CFHR4: variants seen among roughly 807,000 people sequenced by gnomAD.
CFHR4 encodes the protein complement factor H related 4.
In CFHR4, 64 loss-of-function variants were observed where a neutral mutation model predicts 69.3. That is an observed-to-expected ratio of 0.92 (90% confidence interval 0.76 to 1.14). The LOEUF is 1.14. Among genes scored for constraint, CFHR4 ranks in the 50% most tolerant of loss-of-function variants. The pLI, the probability that CFHR4 is intolerant of heterozygous loss-of-function variation, is 0.00. For synonymous variants in CFHR4, 244 were observed against 237.0 expected, an observed-to-expected ratio of 1.03 and a Z score of -0.27; for missense variants, 636 against 684.9, an observed-to-expected ratio of 0.93 and a Z score of 0.80.
intron 1 of CFHR4, among the ~76,000 whole-genome samples, chr1:196,897,677 T>G (rs1401663574): frequency 6.6e-6 from 1 of 151,422 alleles, no homozygotes; most frequent in Non-Finnish European, 1.5e-5. Context: ...TCCCTCGGCA[T>G]CCAGACATTC....
At chr1:196,899,238 G>A (rs1342860965) in intron 1 of CFHR4, among the ~76,000 whole-genome samples, 1 of 148,716 alleles carries the variant, frequency 6.7e-6, no homozygotes, top group South Asian at 2.1e-4. Flanking sequence ...TTTCTATCTT[G>A]CAGTGCATTG....
In CFHR4 at chr1:196,918,069, T is replaced by C. The variant is rs1658759133; in HGVS notation, c.1541-141T>C. On this transcript the variant is annotated intron_variant, in intron 9 of 9. Transcript: ENST00000608469. The stretch of plus-strand genomic sequence containing the variant: ...TATATTTTTGAAATGCTAAAGTCAG[T>C]ATGTAGCACAAATTAATAACTATTA... The C allele has an allele frequency of 1.1e-5, 10 of 913,516 alleles. No individual in the cohort carries two copies. In the South Asian group the frequency reaches 1.5e-4, roughly 13 times the overall value. 56.6% of individuals were successfully genotyped at this position (913,516 alleles called of 1,614,324 possible).
intron 1 of CFHR4, among the ~76,000 whole-genome samples, chr1:196,893,900 C>T (rs1204514953): frequency 6.6e-6 from 1 of 151,512 alleles, no homozygotes; most frequent in Non-Finnish European, 1.5e-5. Flanking sequence ...TTGTTTATTA[C>T]ATGAATTCTA....
At position 196,918,443 on chromosome 1, in the gene CFHR4, A is replaced by G. The variant is rs1331141262; in HGVS notation, c.*37A>G. The stretch of plus-strand genomic sequence containing the variant: ...TACCCTAAATGTATGTCCAACTTCC[A>G]CTTCTCACTCTTATGGTCTCAAAGC... On this transcript the variant is annotated 3_prime_UTR_variant, in exon 10 of 10. Transcript: ENST00000608469. 3 of 1,558,448 alleles carry G rather than the reference A, an allele frequency of 1.9e-6. No individual in the cohort carries two copies. The highest frequency in any genetic ancestry group is 2.2e-5 in the South Asian group (2 of 90,024).
chr1:196,892,530 A>C (rs6428373), intron 1 of CFHR4, among the ~76,000 whole-genome samples: 148,417 of 150,200 alleles, frequency 0.99, 73,358 homozygotes, highest in Middle Eastern at 1. Flanking sequence ...AATTTCCCCC[A>C]AAAAAAGTTC....
At chr1:196,910,743 G>T (rs892556482) in intron 6 of CFHR4, among the ~76,000 whole-genome samples, 1 of 151,358 alleles carries the variant, frequency 6.6e-6, no homozygotes, top group Non-Finnish European at 1.5e-5. Context: ...ATTGAATACT[G>T]ACCTTTTTGT....
chr1:196,888,138 G>C lies in CFHR4; in HGVS notation c.-13G>C. Reference sequence around the variant, plus strand: ...GAAACTTTTGCATTACTATACTACTGAGAATATCTAACATGTTGTTACTAA... The same window carrying C: ...GAAACTTTTGCATTACTATACTACTCAGAATATCTAACATGTTGTTACTAA... On this transcript the variant is annotated 5_prime_UTR_variant, in exon 1 of 10. Coordinates refer to ENST00000608469, the MANE Select transcript of CFHR4 (RefSeq NM_001201550.3). 6.2e-7 allele frequency: 1 copy of C among 1,609,818 alleles called. No individual in the cohort carries two copies. The highest frequency in any genetic ancestry group is 8.5e-7 in the Non-Finnish European group (1 of 1,177,550).
intron 1 of CFHR4, among the ~76,000 whole-genome samples, chr1:196,900,069 T>C (rs1389967761): frequency 6.6e-6 from 1 of 151,468 alleles, no homozygotes; most frequent in Non-Finnish European, 1.5e-5. Flanking sequence ...AAAATTAAAT[T>C]TAGTAGTGGT....
In CFHR4 at chr1:196,901,219, A is replaced by G. The variant is rs954531510; in HGVS notation, c.59-1199A>G. On this transcript the variant is annotated intron_variant, in intron 1 of 9. Transcript: ENST00000608469. The stretch of plus-strand genomic sequence containing the variant: ...TAAGATGCTATTTATAAGCAATGAA[A>G]CTGAATGAATATTTGAACTTCCACA... Among the ~76,000 whole-genome samples the G allele has an allele frequency of 1.6e-4, 24 of 151,318 alleles. 1 individual carries two copies. The highest frequency in any genetic ancestry group is 5.6e-4 in the African/African-American group (23 of 41,004).
At chr1:196,916,226 T>C (rs1297460760) in intron 9 of CFHR4, among the ~76,000 whole-genome samples, 4 of 151,590 alleles carry the variant, frequency 2.6e-5, no homozygotes, top group African/African-American at 9.7e-5. Flanking sequence ...ACAATAATTA[T>C]GGCAACAACA....
chr1:196,902,096 C>A (rs1366176661), intron 1 of CFHR4, among the ~76,000 whole-genome samples: 1 of 151,412 alleles, frequency 6.6e-6, no homozygotes, highest in Non-Finnish European at 1.5e-5. Flanking sequence ...TGGGATGGAA[C>A]AGAAAGAAAA....
intron 9 of CFHR4, among the ~76,000 whole-genome samples, chr1:196,915,438 T>C (rs1358271821): frequency 2.6e-5 from 4 of 151,090 alleles, no homozygotes; most frequent in Non-Finnish European, 5.9e-5. Flanking sequence ...GAGTTCGAGA[T>C]CAGCCTGACC....
intron 5 of CFHR4, 37 bp downstream of exon 5, chr1:196,907,535 G>C: frequency 6.5e-7 from 1 of 1,542,032 alleles, no homozygotes; most frequent in South Asian, 1.1e-5. Flanking sequence ...GAAAATTAGA[G>C]TAATAACTTT....
chr1:196,894,074 AT>A (rs1447845900), intron 1 of CFHR4, among the ~76,000 whole-genome samples: 1 of 151,444 alleles, frequency 6.6e-6, no homozygotes, highest in African/African-American at 2.4e-5. Flanking sequence ...TCTCAGTTAA[AT>A]TGCACCTGCT....
chr1:196,908,249 T>G (rs955593540), intron 5 of CFHR4, among the ~76,000 whole-genome samples: 13 of 151,192 alleles, frequency 8.6e-5, no homozygotes, highest in African/African-American at 3.2e-4. Context: ...ATGGCACATG[T>G]ATTCCTATGT....
chr1:196,890,817 A>T (rs1333795852), intron 1 of CFHR4, among the ~76,000 whole-genome samples: 1 of 151,564 alleles, frequency 6.6e-6, no homozygotes, highest in Non-Finnish European at 1.5e-5. Flanking sequence ...AAAAGGTTCC[A>T]GGCTTTCCTT....
At chr1:196,912,983 T>C in intron 7 of CFHR4, 61 bp downstream of exon 7, 13 of 1,605,518 alleles carry the variant, frequency 8.1e-6, no homozygotes, top group Non-Finnish European at 1.1e-5. Context: ...TTTGAGATGA[T>C]AGTGTTTTAC....
chr1:196,891,005 A>C (rs1656998920), intron 1 of CFHR4, among the ~76,000 whole-genome samples: 1 of 151,528 alleles, frequency 6.6e-6, no homozygotes, highest in African/African-American at 2.4e-5. Context: ...TAATCCCAGC[A>C]ATTTGGAGGC....
chr1:196,898,959 G>A (rs1300720988), intron 1 of CFHR4, among the ~76,000 whole-genome samples: 1 of 151,546 alleles, frequency 6.6e-6, no homozygotes, highest in Non-Finnish European at 1.5e-5. Context: ...GGAGTAGGAG[G>A]AAGCCTTCAT....
Sources: allele counts gnomAD v4.1 joint callset (sites outside exome capture counted in the v4.1 genomes callset), GRCh38; gene constraint gnomAD v4.1.1; transcripts MANE v1.5; gene names NCBI Gene and HGNC (gene_info 2026-07-23, HGNC 2026-07-21).